Variants in AOX1 observed in about 807,000 individuals in gnomAD.
AOX1 encodes the protein aldehyde oxidase 1, also known as aldehyde oxidase.
A neutral mutation model predicts 169.5 loss-of-function variants in AOX1; 153 were observed. The ratio of observed to expected loss-of-function variants is 0.90; its 90% CI spans 0.79 to 1.03. The LOEUF is 1.03. AOX1 is among the 50% of genes least tolerant of loss of function. The pLI is 0.00. For synonymous variants in AOX1, 562 were observed against 581.9 expected, an observed-to-expected ratio of 0.97 and a Z score of 0.49; for missense variants, 1,656 against 1,663.9, an observed-to-expected ratio of 1.00 and a Z score of 0.08.
chr2:200,599,462 A>T (rs2034356371), intron 4 of AOX1, among the ~76,000 whole-genome samples, 158 bp from the exon 5 acceptor site: 1 of 152,180 alleles, frequency 6.6e-6, no homozygotes, highest in Non-Finnish European at 1.5e-5. Context: ...AGCCCTGGGG[A>T]GGGAGGTGCC....
chr2:200,655,823 G>A (rs991648264), intron 26 of AOX1, among the ~76,000 whole-genome samples: 2 of 152,194 alleles, frequency 1.3e-5, no homozygotes. Context: ...AATTGATCTG[G>A]AAATGCAGTC....
intron 23 of AOX1, 102 bp from the exon 24 acceptor site, chr2:200,640,996 A>G (rs2035341025): frequency 2.7e-6 from 2 of 752,022 alleles, no homozygotes; most frequent in South Asian, 1.6e-5. Context: ...GCCAAATCCA[A>G]TGTCATGACG....
At chr2:200,660,671 A>G (rs1210263844) in intron 29 of AOX1, among the ~76,000 whole-genome samples, 1 of 152,256 alleles carries the variant, frequency 6.6e-6, no homozygotes, top group Non-Finnish European at 1.5e-5. Flanking sequence ...ACAAATATCC[A>G]TAAAAGCTGG....
rs71807461 is a variant in AOX1 at position 200,588,726 on chromosome 2, C to CTTTTTTTTTTTTTTTT, written c.45+2579_45+2594dup. ...CTTACATGGAAAGAACTAGAATAAGCTTTTTTTTTTTTTTTTTTTTTGAGA... is the reference window on the plus strand; with the variant it reads ...CTTACATGGAAAGAACTAGAATAAGCTTTTTTTTTTTTTTTTTTTTTTTTTTTTTTTTTTTTTGAGA... On this transcript the variant is annotated intron_variant, in intron 1 of 34. Transcript: ENST00000374700. Among the ~76,000 whole-genome samples the CTTTTTTTTTTTTTTTT allele has an allele frequency of 4.5e-3, 243 of 53,982 alleles. 55 individuals are homozygous for CTTTTTTTTTTTTTTTT. Among genetic ancestry groups the CTTTTTTTTTTTTTTTT allele is most frequent in the African/African-American group, 5.8e-3 (94 of 16,260 alleles). 35.4% of individuals were successfully genotyped at this position (53,982 alleles called of 152,430 possible). A position where few individuals can be genotyped will look rare whatever the true frequency, so the allele number is the denominator to read the frequency against.
At chr2:200,620,353 C>T (rs1190181132) in intron 16 of AOX1, among the ~76,000 whole-genome samples, 3 of 150,546 alleles carry the variant, frequency 2.0e-5, no homozygotes, top group Admixed American at 6.6e-5. Context: ...CATGTGCCAC[C>T]GTACCTGGCT....
chr2:200,629,532 T>TC (rs2035071336), intron 20 of AOX1, among the ~76,000 whole-genome samples: 1 of 152,186 alleles, frequency 6.6e-6, no homozygotes, highest in Non-Finnish European at 1.5e-5. Flanking sequence ...GACCTAGAGA[T>TC]CCCTGTGCCC....
intron 1 of AOX1, among the ~76,000 whole-genome samples, chr2:200,586,357 C>A (rs1189706253): frequency 6.6e-6 from 1 of 152,216 alleles, no homozygotes; most frequent in Non-Finnish European, 1.5e-5. Flanking sequence ...CAGGGACTGT[C>A]CTGGATCTTT....
intron 31 of AOX1, among the ~76,000 whole-genome samples, chr2:200,666,242 A>G (rs975672029): frequency 3.9e-5 from 6 of 152,164 alleles, no homozygotes; most frequent in African/African-American, 1.4e-4. Flanking sequence ...TTGTTGGTGC[A>G]CCCTGAACTC....
chr2:200,602,398 G>T, intron 6 of AOX1, 53 bp downstream of exon 6: 1 of 1,513,904 alleles, frequency 6.6e-7, no homozygotes, highest in Non-Finnish European at 9.2e-7. Flanking sequence ...GAAACGAAAT[G>T]GTAATGGTTG....
intron 9 of AOX1, among the ~76,000 whole-genome samples, chr2:200,605,319 C>T (rs2034492468): frequency 6.6e-6 from 1 of 152,030 alleles, no homozygotes; most frequent in African/African-American, 2.4e-5. Context: ...GCCATATGGC[C>T]CAAGTTTCAA....
At chr2:200,627,651 G>T (rs2035035085) in intron 20 of AOX1, among the ~76,000 whole-genome samples, 1 of 152,086 alleles carries the variant, frequency 6.6e-6, no homozygotes, top group African/African-American at 2.4e-5. Flanking sequence ...AAAAGAGGAG[G>T]CAAGACCCTG....
At chr2:200,648,092 A>G (rs530591414) in intron 25 of AOX1, among the ~76,000 whole-genome samples, 2 of 152,208 alleles carry the variant, frequency 1.3e-5, no homozygotes, top group Admixed American at 1.3e-4. Context: ...TTTCAGGTAA[A>G]TCAGAGATTT....
rs750679575 is a variant in AOX1, at chr2:200,638,300, A to G, written c.2566A>G (p.Lys856Glu). The change falls in exon 23 of 35, where the codon AAA (lysine) becomes GAA (glutamate). Residue 856 changes from lysine to glutamate, a missense_variant and splice_region_variant. Coordinates refer to ENST00000374700, the MANE Select transcript of AOX1 (RefSeq NM_001159.4). ...CCGCCATCCTTACCTTGGAAAGTAC[A>G]AAGTGAGTACAAGAGGGCATGGAGG... is the stretch of plus-strand genomic sequence containing the variant. ...GGRHPYLGKY[K>E]AGFMNDGRIL... 5.6e-6 allele frequency: 9 copies of G among 1,613,256 alleles called. No individual in the cohort carries two copies. The African/African-American group carries it at 9.3e-5, about 17-fold the overall frequency.
intron 5 of AOX1, among the ~76,000 whole-genome samples, 164 bp downstream of exon 5, chr2:200,599,910 C>A (rs940585523): frequency 3.3e-5 from 5 of 152,096 alleles, no homozygotes; most frequent in African/African-American, 1.2e-4. Flanking sequence ...CTCAGCCTCC[C>A]CTCATGCTTT....
downstream of AOX1, among the ~76,000 whole-genome samples, chr2:200,679,056 A>T (rs889471115): frequency 6.6e-6 from 1 of 152,208 alleles, no homozygotes; most frequent in Admixed American, 6.5e-5. Flanking sequence ...TGAGATTTTT[A>T]ATTTTAACAA....
At position 200,595,284 on chromosome 2, in the gene AOX1, GA is replaced by G; in HGVS notation, c.118del (p.Thr40LeufsTer15). The G allele has an allele frequency of 1.2e-6, 2 of 1,612,644 alleles. No homozygotes were observed. The highest frequency in any genetic ancestry group is 1.7e-6 in the Non-Finnish European group (2 of 1,179,126). On this transcript the variant is annotated frameshift_variant, in exon 3 of 35. Coordinates refer to ENST00000374700, the MANE Select transcript of AOX1 (RefSeq NM_001159.4). LOFTEE classifies it high-confidence loss of function. The stretch of plus-strand genomic sequence containing the variant: ...ATACCTCTTCCAGTTCGACTCACAG[GA>G]ACTAAGTATGGCTGTGGAGGAGGAG... ...PYLRKKLRLT[G>X]TKYGCGGGGC...
intron 11 of AOX1, 80 bp downstream of exon 11, chr2:200,609,215 T>G: frequency 2.5e-6 from 4 of 1,597,318 alleles, no homozygotes; most frequent in South Asian, 1.1e-5. Context: ...TTTCATTCTT[T>G]TGGAACAGAC....
intron 2 of AOX1, among the ~76,000 whole-genome samples, chr2:200,594,160 C>T (rs563154339): frequency 6.6e-6 from 1 of 152,202 alleles, no homozygotes; most frequent in African/African-American, 2.4e-5. Flanking sequence ...GTAAGTCTGA[C>T]CCTGGAGATA....
At position 200,609,094 on chromosome 2, in the gene AOX1, C is replaced by T. The variant is rs756440136; in HGVS notation, c.1018C>T (p.His340Tyr). The change falls in exon 11 of 35, where the codon CAT becomes TAT. Residue 340 changes from histidine to tyrosine, a missense_variant. Coordinates refer to ENST00000374700, the MANE Select transcript of AOX1 (RefSeq NM_001159.4). The part of the protein sequence containing the change: ...KTQMYHALLK[H>Y]LGTLAGSQIR... ...ACAGATGTACCATGCTCTCCTGAAG[C>T]ATTTGGGAACTCTGGCTGGGTCCCA... is the stretch of plus-strand genomic sequence containing the variant. 2.5e-6 allele frequency: 4 copies of T among 1,614,058 alleles called. No individual in the cohort carries two copies. The East Asian group carries it at 8.9e-5, about 36-fold the overall frequency.
Sources: allele counts gnomAD v4.1 joint callset (sites outside exome capture counted in the v4.1 genomes callset), GRCh38; gene constraint gnomAD v4.1.1; transcripts MANE v1.5; gene names NCBI Gene and HGNC (gene_info 2026-07-23, HGNC 2026-07-21).